The following RMC1 variants were observed in gnomAD, a reference collection of about 807,000 sequenced individuals.
The protein encoded by RMC1 is regulator of MON1-CCZ1, also known as regulator of MON1-CCZ1 complex.
A neutral mutation model predicts 95.5 loss-of-function variants in RMC1; 44 were observed. That is an observed-to-expected ratio of 0.46 (90% CI 0.36 to 0.59). The LOEUF is 0.59. Among genes scored for constraint, RMC1 ranks in the 20% least tolerant of loss-of-function variants. RMC1 has a pLI of 0.00. For missense variants in RMC1, 705 were observed against 819.6 expected, an observed-to-expected ratio of 0.86 and a Z score of 1.71; for synonymous variants, 320 against 303.6, an observed-to-expected ratio of 1.05 and a Z score of -0.56.
At chr18:23,528,380 C>T (rs1488739689) in intron 14 of RMC1, 1 of 155,070 alleles carries the variant, frequency 6.4e-6, no homozygotes, top group Non-Finnish European at 1.4e-5. Flanking sequence ...AAGGTAATAA[C>T]CATGGCTTAT....
At chr18:23,516,043 C>A (rs182715039) in intron 6 of RMC1, 47 bp downstream of exon 6, 2 of 1,612,498 alleles carry the variant, frequency 1.2e-6, no homozygotes, top group African/African-American at 2.7e-5. Flanking sequence ...CCAGTTGTCC[C>A]CTGTTCCTGT....
intron 19 of RMC1, among the ~76,000 whole-genome samples, chr18:23,531,017 CAG>C (rs766183566): frequency 2.6e-5 from 4 of 151,678 alleles, no homozygotes; most frequent in Non-Finnish European, 4.4e-5. Context: ...TTTTTTGAGA[CAG>C]AGTCTCGCTC....
chr18:23,520,192 T>TC lies in RMC1; in HGVS notation c.850-3dup, dbSNP rs748071437. On this transcript the variant is annotated splice_polypyrimidine_tract_variant and intron_variant, in intron 9 of 19. Transcript: ENST00000269221. ...GATTTTGGCCTCAGTCTTGTCTTTTTCCCCCCCAGACATCGGTAATATTCG... is the reference window on the plus strand; with the variant it reads ...GATTTTGGCCTCAGTCTTGTCTTTTTCCCCCCCCAGACATCGGTAATATTCG... 1.6e-5 allele frequency: 25 copies of TC among 1,607,052 alleles called. No individual in the cohort carries two copies. The highest frequency in any genetic ancestry group is 5.0e-5 in the Admixed American group (3 of 59,884).
intron 10 of RMC1, among the ~76,000 whole-genome samples, chr18:23,523,273 C>CT (rs2058192297): frequency 6.6e-6 from 1 of 152,064 alleles, no homozygotes; most frequent in African/African-American, 2.4e-5. Flanking sequence ...TCATGGTTAG[C>CT]TTGTAGGGCT....
At chr18:23,503,490 A>G, upstream of RMC1, 1 of 462,810 alleles carries the variant, frequency 2.2e-6, no homozygotes. Flanking sequence ...GGCACCAGGA[A>G]GCGGCGTCCG....
intron 19 of RMC1, 77 bp from the exon 20 acceptor site, chr18:23,531,548 G>C (rs2058508162): frequency 6.4e-7 from 1 of 1,570,668 alleles, no homozygotes; most frequent in South Asian, 1.2e-5. Context: ...AAACCCAGTA[G>C]ACACACCTAC....
Position 23,524,494 on chromosome 18 carries a change from G to A in RMC1, c.1060+12G>A, listed in dbSNP as rs2058235678. 6.2e-7 allele frequency: 1 copy of A among 1,613,566 alleles called. No individual in the cohort carries two copies. Among genetic ancestry groups the A allele is most frequent in the South Asian group, 1.1e-5 (1 of 91,060 alleles). On this transcript the variant is annotated intron_variant, in intron 12 of 19. Transcript: ENST00000269221. ...CAGCGCAAGCCAAGGTAGGTCAGCG[G>A]GGACAGTTGTCGTGTTACAACATGG...
rs149741829 is a variant in RMC1, at chr18:23,509,176, T to A, written c.322-17T>A. The A allele has an allele frequency of 8.0e-4, 950 of 1,190,658 alleles. 5 individuals are homozygous for A. The African/African-American group carries it at 9.2e-3, about 11-fold the overall frequency. 73.8% of individuals were successfully genotyped at this position (1,190,658 alleles called of 1,614,324 possible). On this transcript the variant is annotated splice_polypyrimidine_tract_variant and intron_variant, in intron 4 of 19. Coordinates refer to ENST00000269221, the MANE Select transcript of RMC1 (RefSeq NM_013326.5). ...TTTTCTTATTAATTAAAAATATTTT[T>A]AAAAAATTTTTCTTAGACTAAGAAT...
intron 16 of RMC1, 155 bp from the exon 17 acceptor site, chr18:23,529,873 G>C: frequency 1.9e-6 from 2 of 1,030,198 alleles, no homozygotes; most frequent in Non-Finnish European, 2.9e-6. Flanking sequence ...GGAAGTGTAA[G>C]GTCAAGTTGG....
chr18:23,507,089 C>A, intron 3 of RMC1, 35 bp downstream of exon 3: 2 of 1,377,620 alleles, frequency 1.5e-6, no homozygotes, highest in South Asian at 1.3e-5. Flanking sequence ...CATTAAAGGG[C>A]ATTAGAAATA....
At chr18:23,513,770 T>C (rs1371986363) in intron 5 of RMC1, among the ~76,000 whole-genome samples, 1 of 152,234 alleles carries the variant, frequency 6.6e-6, no homozygotes, top group Admixed American at 6.5e-5. Flanking sequence ...GCGCTCTTTG[T>C]TGATTAGTGA....
At chr18:23,510,363 A>G (rs1288813632) in intron 5 of RMC1, among the ~76,000 whole-genome samples, 1 of 151,888 alleles carries the variant, frequency 6.6e-6, no homozygotes, top group East Asian at 1.9e-4. Flanking sequence ...AAAAGTGGGC[A>G]AAGGCCAGGT....
In RMC1 at chr18:23,503,546, C is replaced by T. The variant is rs1003570873; in HGVS notation, c.-73C>T. The T allele has an allele frequency of 6.2e-6, 7 of 1,120,088 alleles. No individual in the cohort carries two copies. The highest frequency in any genetic ancestry group is 5.0e-5 in the African/African-American group (3 of 60,072). 69.4% of individuals were successfully genotyped at this position (1,120,088 alleles called of 1,614,324 possible). On this transcript the variant is annotated 5_prime_UTR_variant, in exon 1 of 20. Transcript: ENST00000269221. ...CCGCAGCCGCCGCTACAGTCCGGGC[C>T]GGGCTCCACCGCGCATCCTGCTCCA...
chr18:23,509,762 AT>A (rs1567914489), intron 5 of RMC1: 1 of 152,082 alleles, frequency 6.6e-6, no homozygotes, highest in East Asian at 1.9e-4. Flanking sequence ...GGATTTCTCC[AT>A]GTTGAGACTG....
intron 12 of RMC1, among the ~76,000 whole-genome samples, chr18:23,525,757 A>T (rs1027969319): frequency 1.1e-4 from 16 of 151,994 alleles, no homozygotes; most frequent in Non-Finnish European, 2.1e-4. Context: ...GGGTCTTGCC[A>T]TGTTGCCCCT....
chr18:23,517,359 A>G (rs976808528), intron 7 of RMC1, among the ~76,000 whole-genome samples: 1 of 152,132 alleles, frequency 6.6e-6, no homozygotes, highest in Non-Finnish European at 1.5e-5. Context: ...CATGTTGGCC[A>G]GGGTGGTCTC....
intron 19 of RMC1, chr18:23,531,407 G>T: frequency 1.1e-6 from 1 of 879,752 alleles, no homozygotes; most frequent in Non-Finnish European, 1.6e-6. Context: ...AATGTAAGAC[G>T]GCATTTAGTT....
At position 23,504,354 on chromosome 18, in the gene RMC1, C is replaced by T. The variant is rs202045942; in HGVS notation, c.103-17C>T. The T allele has an allele frequency of 1.4e-5, 22 of 1,613,424 alleles. No individual in the cohort carries two copies. Among genetic ancestry groups the T allele is most frequent in the East Asian group, 1.3e-4 (6 of 44,886 alleles). On this transcript the variant is annotated splice_polypyrimidine_tract_variant and intron_variant, in intron 1 of 19. Transcript: ENST00000269221. Reference sequence around the variant, plus strand: ...TTCAGAGTTCAGGCTGTTAACCTTGCTGCTTTTCCCTCTCAGGTTTTTGCT... The same window carrying T: ...TTCAGAGTTCAGGCTGTTAACCTTGTTGCTTTTCCCTCTCAGGTTTTTGCT...
At chr18:23,523,684 T>C (rs934045520) in intron 10 of RMC1, among the ~76,000 whole-genome samples, 2 of 151,856 alleles carry the variant, frequency 1.3e-5, no homozygotes, top group East Asian at 3.9e-4. Context: ...GATCAACTAC[T>C]GCACTCAAGC....
Sources: gnomAD v4.1 joint callset for allele counts (sites outside exome capture counted in the v4.1 genomes callset) on GRCh38, gnomAD v4.1.1 for gene constraint, MANE v1.5 for transcripts, NCBI Gene and HGNC (gene_info 2026-07-23, HGNC 2026-07-21) for gene names.